NKAIN3: variants seen among roughly 807,000 people sequenced by gnomAD.
NKAIN3 encodes the protein sodium/potassium transporting ATPase interacting 3, also known as sodium/potassium-transporting ATPase subunit beta-1-interacting protein 3.
NKAIN3 carries 25 observed loss-of-function variants against 30.2 expected under a neutral mutation model. The observed-to-expected ratio is 0.83, with a 90% CI of 0.60 to 1.16. The LOEUF (loss-of-function observed/expected upper bound fraction) is 1.16, where lower values mean the gene tolerates loss of function less well. Ranked by LOEUF, NKAIN3 falls within the 50% of genes most tolerant of loss-of-function variation. NKAIN3 has a pLI of 0.00. For synonymous variants in NKAIN3, 91 were observed against 89.6 expected (o/e 1.02, Z -0.09); for missense variants, 225 against 254.1 (o/e 0.89, Z 0.78).
intron 3 of NKAIN3, among the ~76,000 whole-genome samples, chr8:62,688,948 A>C (rs559039404): frequency 1.1e-4 from 16 of 152,314 alleles, no homozygotes; most frequent in Non-Finnish European, 1.8e-4. Flanking sequence ...TAAAGAATTT[A>C]TATTATTTTA....
intron 6 of NKAIN3, among the ~76,000 whole-genome samples, chr8:62,960,346 A>G (rs1219130312): frequency 6.6e-6 from 1 of 152,200 alleles, no homozygotes; most frequent in East Asian, 1.9e-4. Context: ...TGTGAAGCAC[A>G]TAAAGCCTTT....
At chr8:62,473,786 C>T (rs1324555382) in intron 1 of NKAIN3, among the ~76,000 whole-genome samples, 1 of 152,076 alleles carries the variant, frequency 6.6e-6, no homozygotes, top group African/African-American at 2.4e-5. Flanking sequence ...TTCCTGAGTC[C>T]TTTCCCTACA....
At chr8:62,690,563 A>C (rs557144436) in intron 3 of NKAIN3, among the ~76,000 whole-genome samples, 15 of 152,268 alleles carry the variant, frequency 9.9e-5, no homozygotes, top group African/African-American at 3.6e-4. Flanking sequence ...CCTCCGTGGA[A>C]GTTTCTGTCT....
chr8:62,911,142 A>G (rs1441475142), intron 4 of NKAIN3, among the ~76,000 whole-genome samples: 1 of 152,220 alleles, frequency 6.6e-6, no homozygotes, highest in Non-Finnish European at 1.5e-5. Context: ...TGTGGGTAGA[A>G]GTATTATATT....
chr8:62,990,046 T>C (rs1824288643), intron 5 of NKAIN3: 1 of 567,802 alleles, frequency 1.8e-6, no homozygotes, highest in Non-Finnish European at 3.2e-6. Flanking sequence ...TTAGACTTGA[T>C]TTCAGGCACT....
At chr8:62,913,931 G>A (rs1349105056) in intron 4 of NKAIN3, among the ~76,000 whole-genome samples, 2 of 152,162 alleles carry the variant, frequency 1.3e-5, no homozygotes, top group Non-Finnish European at 2.9e-5. Flanking sequence ...GAAAATCGGC[G>A]TGGCAATTCC....
intron 5 of NKAIN3, chr8:62,999,120 C>T (rs181098733): frequency 1.3e-5 from 2 of 152,178 alleles, no homozygotes; most frequent in East Asian, 3.9e-4. Context: ...ATAGTAATCC[C>T]TTATCAGATG....
intron 1 of NKAIN3, among the ~76,000 whole-genome samples, chr8:62,313,412 T>C (rs1814511257): frequency 6.6e-6 from 1 of 152,134 alleles, no homozygotes; most frequent in Admixed American, 6.6e-5. Flanking sequence ...TGTTTTTTCT[T>C]CTTCCAATTT....
At chr8:62,962,560 C>G (rs1287096354) in intron 6 of NKAIN3, among the ~76,000 whole-genome samples, 1 of 152,196 alleles carries the variant, frequency 6.6e-6, no homozygotes, top group African/African-American at 2.4e-5. Context: ...TAATTCTTTG[C>G]AGTGGGTCTG....
chr8:62,737,744 A>T (rs994913502), intron 3 of NKAIN3, among the ~76,000 whole-genome samples: 7 of 152,206 alleles, frequency 4.6e-5, no homozygotes, highest in Non-Finnish European at 8.8e-5. Flanking sequence ...TGTAAGCAGA[A>T]CCAGTTGAGA....
intron 2 of NKAIN3, among the ~76,000 whole-genome samples, chr8:62,586,440 G>A (rs566623676): frequency 2.6e-5 from 4 of 152,092 alleles, no homozygotes; most frequent in African/African-American, 4.8e-5. Context: ...CTAACACAGA[G>A]TAAATGTTTG....
intron 1 of NKAIN3, among the ~76,000 whole-genome samples, chr8:62,433,250 C>T (rs1314232861): frequency 6.6e-6 from 1 of 152,036 alleles, no homozygotes; most frequent in East Asian, 1.9e-4. Context: ...GCAGAAGCAT[C>T]AATTCTTACT....
At chr8:62,283,382 C>A (rs952738652) in intron 1 of NKAIN3, among the ~76,000 whole-genome samples, 1 of 151,820 alleles carries the variant, frequency 6.6e-6, no homozygotes, top group African/African-American at 2.4e-5. Context: ...TTCCATAGAA[C>A]AAAACATTAC....
chr8:62,574,028 A>G (rs1164335143), intron 1 of NKAIN3, among the ~76,000 whole-genome samples: 1 of 152,036 alleles, frequency 6.6e-6, no homozygotes, highest in African/African-American at 2.4e-5. Context: ...TCCAACCCCT[A>G]CTACCCTTCT....
chr8:62,630,523 T>C (rs1164119368), intron 3 of NKAIN3, among the ~76,000 whole-genome samples: 1 of 152,118 alleles, frequency 6.6e-6, no homozygotes, highest in Non-Finnish European at 1.5e-5. Context: ...AAAAAGTGTT[T>C]CTAAATTTTC....
intron 3 of NKAIN3, among the ~76,000 whole-genome samples, chr8:62,624,424 C>T (rs1811727226): frequency 6.6e-6 from 1 of 151,438 alleles, no homozygotes; most frequent in Non-Finnish European, 1.5e-5. Flanking sequence ...TCTAACTCTA[C>T]TCTCTCTTTT....
At chr8:62,464,631 T>C (rs1363411355) in intron 1 of NKAIN3, among the ~76,000 whole-genome samples, 1 of 152,190 alleles carries the variant, frequency 6.6e-6, no homozygotes, top group Non-Finnish European at 1.5e-5. Context: ...TTTTAAATCT[T>C]CTAATGTAAG....
At chr8:62,700,393 C>A (rs771272584) in intron 3 of NKAIN3, among the ~76,000 whole-genome samples, 30 of 152,114 alleles carry the variant, frequency 2.0e-4, no homozygotes, top group Non-Finnish European at 3.8e-4. Flanking sequence ...GTTACAACTC[C>A]CTGAATTGCA....
chr8:62,636,774 C>A (rs924063231), intron 3 of NKAIN3, among the ~76,000 whole-genome samples: 1 of 152,172 alleles, frequency 6.6e-6, no homozygotes, highest in Non-Finnish European at 1.5e-5. Context: ...CACTGGTATA[C>A]AGTTTGCTAC....
Sources: allele counts gnomAD v4.1 joint callset (sites outside exome capture counted in the v4.1 genomes callset), GRCh38; gene constraint gnomAD v4.1.1; transcripts MANE v1.5; gene names NCBI Gene and HGNC (gene_info 2026-07-23, HGNC 2026-07-21).